Variants in SMOC1 observed in about 807,000 individuals in gnomAD.
The protein encoded by SMOC1 is SPARC related modular calcium binding 1, also known as SPARC-related modular calcium-binding protein 1.
A neutral mutation model predicts 56.3 loss-of-function variants in SMOC1; 22 were observed. The observed-to-expected ratio is 0.39, with a 90% CI of 0.28 to 0.56. The LOEUF is 0.56. SMOC1 is among the 20% of genes least tolerant of loss of function. The pLI, the probability that SMOC1 is intolerant of heterozygous loss-of-function variation, is 0.61. For synonymous variants in SMOC1, 193 were observed against 215.0 expected, an observed-to-expected ratio of 0.90 and a Z score of 0.89; for missense variants, 509 against 565.4, an observed-to-expected ratio of 0.90 and a Z score of 1.01.
chr14:70,013,203 G>A (rs1413325362), intron 9 of SMOC1, among the ~76,000 whole-genome samples, 183 bp from the exon 10 acceptor site: 1 of 152,216 alleles, frequency 6.6e-6, no homozygotes. Flanking sequence ...ATGGTCCTTT[G>A]TGGGGTATGG....
intron 1 of SMOC1, among the ~76,000 whole-genome samples, chr14:69,948,692 C>T (rs1370012583): frequency 6.6e-6 from 1 of 152,150 alleles, no homozygotes; most frequent in African/African-American, 2.4e-5. Flanking sequence ...TGTGTGTTCT[C>T]TTAAACCACG....
chr14:70,001,474 G>T (rs575728647), intron 7 of SMOC1, among the ~76,000 whole-genome samples: 17 of 152,254 alleles, frequency 1.1e-4, no homozygotes, highest in African/African-American at 4.1e-4. Flanking sequence ...TGAATTGCTG[G>T]CATAGTGATT....
intron 1 of SMOC1, among the ~76,000 whole-genome samples, chr14:69,925,909 A>G (rs953398756): frequency 6.6e-6 from 1 of 152,200 alleles, no homozygotes; most frequent in African/African-American, 2.4e-5. Flanking sequence ...AAAGACAGAC[A>G]CATCTGGAGA....
intron 1 of SMOC1, among the ~76,000 whole-genome samples, chr14:69,926,990 G>A (rs1324518214): frequency 7.9e-5 from 12 of 152,190 alleles, no homozygotes; most frequent in East Asian, 3.8e-4. Flanking sequence ...TACTCAACCC[G>A]TGCCAGGCCC....
chr14:69,959,522 C>T (rs370509650), intron 3 of SMOC1, among the ~76,000 whole-genome samples: 2 of 152,172 alleles, frequency 1.3e-5, no homozygotes, highest in African/African-American at 4.8e-5. Flanking sequence ...GTTATGTTTC[C>T]TGTCTTTGAG....
At chr14:70,029,155 T>A (rs1886044485) in intron 11 of SMOC1, among the ~76,000 whole-genome samples, 1 of 152,172 alleles carries the variant, frequency 6.6e-6, no homozygotes, top group African/African-American at 2.4e-5. Flanking sequence ...GCTCTTGATG[T>A]GCTTGCCCCC....
intron 1 of SMOC1, among the ~76,000 whole-genome samples, chr14:69,916,216 A>G (rs1884682673): frequency 6.6e-6 from 1 of 151,778 alleles, no homozygotes; most frequent in African/African-American, 2.4e-5. Flanking sequence ...GTCATCCTTG[A>G]CCCTCCTCTT....
intron 1 of SMOC1, among the ~76,000 whole-genome samples, chr14:69,915,938 A>G (rs1884674660): frequency 6.6e-6 from 1 of 152,158 alleles, no homozygotes; most frequent in Admixed American, 6.5e-5. Context: ...CCCTATTCTC[A>G]TTCCTTTGCT....
At chr14:69,971,206 C>T (rs376381214) in intron 3 of SMOC1, among the ~76,000 whole-genome samples, 15 of 152,036 alleles carry the variant, frequency 9.9e-5, no homozygotes, top group African/African-American at 2.7e-4. Flanking sequence ...TTAGTAGAGA[C>T]GGGGTTTCAC....
intron 1 of SMOC1, among the ~76,000 whole-genome samples, chr14:69,930,699 G>A (rs531804101): frequency 8.0e-4 from 122 of 152,314 alleles, no homozygotes; most frequent in African/African-American, 2.8e-3. Flanking sequence ...TGTCAAGGGA[G>A]GACCTTGAGA....
At chr14:69,972,381 G>A (rs935767331) in intron 3 of SMOC1, among the ~76,000 whole-genome samples, 6 of 152,186 alleles carry the variant, frequency 3.9e-5, no homozygotes, top group African/African-American at 1.4e-4. Flanking sequence ...CTGAGACCTT[G>A]CTCGGGTCTT....
chr14:70,017,819 G>T (rs1201154854), intron 10 of SMOC1, among the ~76,000 whole-genome samples: 1 of 152,132 alleles, frequency 6.6e-6, no homozygotes, highest in Non-Finnish European at 1.5e-5. Flanking sequence ...GATAATAGAG[G>T]CTGAGAAAGT....
intron 5 of SMOC1, among the ~76,000 whole-genome samples, chr14:69,984,046 TG>T (rs1349562353): frequency 6.6e-6 from 1 of 152,176 alleles, no homozygotes; most frequent in African/African-American, 2.4e-5. Flanking sequence ...AAAACTAAAG[TG>T]GGAGGAACCA....
At chr14:69,917,525 A>G (rs1465445389) in intron 1 of SMOC1, among the ~76,000 whole-genome samples, 1 of 152,236 alleles carries the variant, frequency 6.6e-6, no homozygotes, top group Non-Finnish European at 1.5e-5. Context: ...AAATAAACAT[A>G]CAGTGTGATG....
At chr14:69,989,553 A>T (rs1884488572) in intron 5 of SMOC1, among the ~76,000 whole-genome samples, 1 of 152,240 alleles carries the variant, frequency 6.6e-6, no homozygotes. Context: ...CCTACACAAA[A>T]AAGTGTCCCG....
chr14:69,927,830 T>C (rs1885050965), intron 1 of SMOC1, among the ~76,000 whole-genome samples: 1 of 152,204 alleles, frequency 6.6e-6, no homozygotes, highest in African/African-American at 2.4e-5. Flanking sequence ...CTGAACCAAG[T>C]ACTTGGCAGG....
chr14:69,971,516 A>G (rs1156533217), intron 3 of SMOC1, among the ~76,000 whole-genome samples: 3 of 152,190 alleles, frequency 2.0e-5, no homozygotes, highest in African/African-American at 7.2e-5. Flanking sequence ...AACAACCATG[A>G]GTTTTGAGAA....
At chr14:69,984,232 G>A (rs1407108052) in intron 5 of SMOC1, among the ~76,000 whole-genome samples, 1 of 152,030 alleles carries the variant, frequency 6.6e-6, no homozygotes, top group Non-Finnish European at 1.5e-5. Flanking sequence ...TTAACAAATC[G>A]ACCCCAAAGC....
chr14:69,961,506 G>T (rs969674044), intron 3 of SMOC1, among the ~76,000 whole-genome samples: 1 of 151,456 alleles, frequency 6.6e-6, no homozygotes, highest in African/African-American at 2.4e-5. Flanking sequence ...TCAGCCTCCT[G>T]AGTAGCTGGG....
Sources: allele counts gnomAD v4.1 joint callset (sites outside exome capture counted in the v4.1 genomes callset), GRCh38; gene constraint gnomAD v4.1.1; transcripts MANE v1.5; gene names NCBI Gene and HGNC (gene_info 2026-07-23, HGNC 2026-07-21).